Variants in DENND6B observed in about 807,000 individuals in gnomAD.
DENND6B encodes protein DENND6B.
A neutral mutation model predicts 85.1 loss-of-function variants in DENND6B; 73 were observed. That is an observed-to-expected ratio of 0.86 (90% CI 0.71 to 1.04). DENND6B has a LOEUF of 1.04. DENND6B is among the 50% of genes least tolerant of loss of function. The probability of loss-of-function intolerance (pLI) is 0.00; values close to 1 mark genes in which losing one functional copy is unlikely to be tolerated. For missense variants in DENND6B, 715 were observed against 785.8 expected (o/e 0.91, Z 1.08); for synonymous variants, 357 against 329.3 (o/e 1.08, Z -0.91).
At position 50,317,355 on chromosome 22, in the gene DENND6B, A is replaced by AGTAGTGTGCCGGC. The variant is rs1447712931; in HGVS notation, c.378_390dup (p.Phe131AlafsTer52). The stretch of plus-strand genomic sequence containing the variant: ...ACCTGCCTGAAGTACACGTAGCCGA[A>AGTAGTGTGCCGGC]GTAGTGTGCCGGCTCCCTCTGCAAG... On this transcript the variant is annotated frameshift_variant, in exon 5 of 20. Transcript: ENST00000413817. LOFTEE classifies it high-confidence loss of function. 1.2e-6 allele frequency: 2 copies of AGTAGTGTGCCGGC among 1,612,980 alleles called. No homozygotes were observed. Among genetic ancestry groups the AGTAGTGTGCCGGC allele is most frequent in the South Asian group, 2.2e-5 (2 of 91,088 alleles).
Position 50,314,685 on chromosome 22 carries a change from G to A in DENND6B, c.897C>T (p.Leu299=), listed in dbSNP as rs1354173740. ...VLALTSCLQP[L]RFCCDFRPYF... ...AGGGACGGAAGTCGCAGCAGAACCT[G>A]AGGGGCTGCAGGCAGCTGTGGGCAG... The change falls in exon 11 of 20, where the codon CTC becomes CTT. Residue 299 remains leucine, a synonymous_variant. Coordinates refer to ENST00000413817, the MANE Select transcript of DENND6B (RefSeq NM_001001794.4). 3 of 1,566,186 alleles carry A rather than the reference G, an allele frequency of 1.9e-6. No homozygotes were observed. The highest frequency in any genetic ancestry group is 2.6e-6 in the Non-Finnish European group (3 of 1,156,154).
chr22:50,321,386 G>T (rs1438082644), intron 1 of DENND6B, among the ~76,000 whole-genome samples: 2 of 152,072 alleles, frequency 1.3e-5, no homozygotes, highest in East Asian at 3.9e-4. Context: ...TTTTGAGACG[G>T]GGTCTTGCTC....
intron 1 of DENND6B, among the ~76,000 whole-genome samples, chr22:50,324,769 C>T (rs1385817650): frequency 6.6e-6 from 1 of 152,170 alleles, no homozygotes; most frequent in Non-Finnish European, 1.5e-5. Flanking sequence ...CAGCTCCTTG[C>T]CTTTTGCTTA....
intron 1 of DENND6B, 141 bp downstream of exon 1, chr22:50,326,671 C>G (rs1471219319): frequency 2.8e-6 from 2 of 711,052 alleles, no homozygotes; most frequent in East Asian, 7.3e-5. Context: ...CTTCTGGAGC[C>G]CGGAGAAGAG....
chr22:50,319,723 C>T (rs2041984307), intron 1 of DENND6B, among the ~76,000 whole-genome samples: 1 of 152,222 alleles, frequency 6.6e-6, no homozygotes, highest in Non-Finnish European at 1.5e-5. Context: ...CAGATGCAGG[C>T]CCAGAAGCAC....
Position 50,313,462 on chromosome 22 carries a change from C to T in DENND6B, c.1331G>A (p.Ser444Asn). ...GACCCCCACCTTCCAGGGCGTGATG[C>T]TCTTCTGCAGGGGCATGAGGCTGGC... ...YMASLMPLQKSITPWKTPPQI... is the reference protein window; with the variant it reads ...YMASLMPLQKNITPWKTPPQI... Residue 444 changes from serine (S) to asparagine (N), a missense_variant, in exon 16 of 20, where the codon AGC (serine) becomes AAC (asparagine). Ser to Asn is a conservative substitution (Grantham distance 46, BLOSUM62 1). Coordinates refer to ENST00000413817, the MANE Select transcript of DENND6B (RefSeq NM_001001794.4). 6.5e-7 allele frequency: 1 copy of T among 1,546,622 alleles called. No individual in the cohort carries two copies. The highest frequency in any genetic ancestry group is 8.7e-7 in the Non-Finnish European group (1 of 1,147,014).
rs1476381045 is a variant in DENND6B at position 50,326,989 on chromosome 22, G to A, written c.-1C>T. On this transcript the variant is annotated 5_prime_UTR_variant, in exon 1 of 20. Transcript: ENST00000413817. ...GCCCTGTGCCCAACAGCGCGTCCAT[G>A]GCGGCGGCCGCGGGTTGCCGGGGAA... 2 of 1,192,088 alleles carry A rather than the reference G, an allele frequency of 1.7e-6. No individual in the cohort carries two copies. Among genetic ancestry groups the A allele is most frequent in the African/African-American group, 1.6e-5 (1 of 62,536 alleles). The allele number at this position is 1,192,088 out of a possible 1,614,324, so 73.8% of individuals were successfully genotyped here. A position where few individuals can be genotyped will look rare whatever the true frequency, so the allele number is the denominator to read the frequency against.
At chr22:50,314,954 G>C in intron 9 of DENND6B, 33 bp from the exon 10 acceptor site, 1 of 1,603,092 alleles carries the variant, frequency 6.2e-7, no homozygotes, top group South Asian at 1.1e-5. Context: ...GGGAGGTCAG[G>C]CAGGGGCTGA....
At chr22:50,314,752 G>C in intron 10 of DENND6B, 47 bp downstream of exon 10, 1 of 1,577,084 alleles carries the variant, frequency 6.3e-7, no homozygotes, top group Non-Finnish European at 8.6e-7. Flanking sequence ...CCCAGGCACA[G>C]CCGCGATGGT....
chr22:50,313,192 C>T, intron 16 of DENND6B, 84 bp from the exon 17 acceptor site: 1 of 1,361,782 alleles, frequency 7.3e-7, no homozygotes, highest in Middle Eastern at 1.8e-4. Context: ...CACTCCTCAC[C>T]ACTTCTGAAG....
intron 5 of DENND6B, 125 bp downstream of exon 5, chr22:50,317,168 G>A (rs2041877424): frequency 4.0e-6 from 4 of 990,368 alleles, no homozygotes; most frequent in Non-Finnish European, 6.0e-6. Flanking sequence ...CACAGCCCAG[G>A]TGGGGCTGCA....
At chr22:50,323,543 C>T (rs1317554534) in intron 1 of DENND6B, among the ~76,000 whole-genome samples, 1 of 151,930 alleles carries the variant, frequency 6.6e-6, no homozygotes, top group African/African-American at 2.4e-5. Flanking sequence ...GCCTCAGCCT[C>T]CCAAAGTGCT....
rs370594921 is a variant in DENND6B at position 50,316,356 on chromosome 22, T to A, written c.559+14A>T. The A allele has an allele frequency of 1.9e-6, 3 of 1,568,536 alleles. No individual in the cohort carries two copies. Among genetic ancestry groups the A allele is most frequent in the African/African-American group, 2.7e-5 (2 of 73,712 alleles). On this transcript the variant is annotated intron_variant, in intron 6 of 19. Transcript: ENST00000413817. ...ATGATGAGACCACGATGGCCACGAC[T>A]GATGGCCACTCACCTGCTTCCAGGC...
chr22:50,315,888 C>A, intron 8 of DENND6B, 119 bp from the exon 9 acceptor site: 1 of 1,517,834 alleles, frequency 6.6e-7, no homozygotes, highest in Non-Finnish European at 8.9e-7. Context: ...CACCAACACA[C>A]AGCCTGTGGC....
chr22:50,311,857 C>T lies in DENND6B; in HGVS notation c.*282G>A. On this transcript the variant is annotated 3_prime_UTR_variant, in exon 20 of 20. Coordinates refer to ENST00000413817, the MANE Select transcript of DENND6B (RefSeq NM_001001794.4). ...ACGCACCCACATCAGCAAGGGCTCC[C>T]AGCCTGTCCCCGCCCCCGTCCCAGC... The T allele has an allele frequency of 2.1e-6, 1 of 482,098 alleles. No individual in the cohort carries two copies. The highest frequency in any genetic ancestry group is 3.7e-6 in the Non-Finnish European group (1 of 271,480). The allele number at this position is 482,098 out of a possible 1,614,324, so 29.9% of individuals were successfully genotyped here.
At position 50,310,446 on chromosome 22, in the gene DENND6B, T is replaced by G. The variant is rs2068044372; in HGVS notation, c.*1693A>C. On this transcript the variant is annotated 3_prime_UTR_variant, in exon 20 of 20. Coordinates refer to ENST00000413817, the MANE Select transcript of DENND6B (RefSeq NM_001001794.4). ...TGCAGTTGGGCTGGACAAGTTGACATGTACCAAGTTCTGAGAACTACCTGG... is the reference window on the plus strand; with the variant it reads ...TGCAGTTGGGCTGGACAAGTTGACAGGTACCAAGTTCTGAGAACTACCTGG... 6.6e-6 allele frequency: 1 copy of G among 152,238 alleles called. No homozygotes were observed. The highest frequency in any genetic ancestry group is 2.1e-4 in the South Asian group (1 of 4,830). The allele number at this position is 152,238 out of a possible 1,614,324, so 9.4% of individuals were successfully genotyped here.
chr22:50,318,028 G>T lies in DENND6B; in HGVS notation c.260-8C>A. The stretch of plus-strand genomic sequence containing the variant: ...GAGTGTCTCCAAGGCAGCCTAAGAA[G>T]GGGCAGCCCCACCACACGGGTCAAG... On this transcript the variant is annotated splice_region_variant and splice_polypyrimidine_tract_variant and intron_variant, in intron 3 of 19. Coordinates refer to ENST00000413817, the MANE Select transcript of DENND6B (RefSeq NM_001001794.4). 6.2e-7 allele frequency: 1 copy of T among 1,611,734 alleles called. No individual in the cohort carries two copies. Among genetic ancestry groups the T allele is most frequent in the Non-Finnish European group, 8.5e-7 (1 of 1,179,412 alleles).
Position 50,312,606 on chromosome 22 carries a change from G to A in DENND6B, c.1477C>T (p.His493Tyr). 1.3e-6 allele frequency: 2 copies of A among 1,580,880 alleles called. No individual in the cohort carries two copies. The highest frequency in any genetic ancestry group is 1.2e-5 in the South Asian group (1 of 86,876). ...CGCTGCCGGTACCAGCCATCAAAAT[G>A]GGGGGACTTGAAAAACCGCCTGTGG... ...GLYRRFFKSP[H>Y]FDGWYRQRHK... is the part of the protein sequence containing the mutation. The change falls in exon 18 of 20, where the codon CAT becomes TAT. Residue 493 changes from histidine to tyrosine, a missense_variant. Physicochemically the swap from His to Tyr is moderately conservative, Grantham distance 83. Transcript: ENST00000413817.
chr22:50,312,235 A>T lies in DENND6B; in HGVS notation c.1662T>A (p.Pro554=). 6.2e-7 allele frequency: 1 copy of T among 1,612,136 alleles called. No homozygotes were observed. ...CCCGCTGCAGCGTAGCCTCCTTCAC[A>T]GGGAGCTGGTGGCCCTGAGCCCGCA... The part of the protein sequence containing the change: ...KLVRAQGHQL[P]VKEATLQRAQ... Residue 554 remains proline (P), a synonymous_variant, in exon 20 of 20, where the codon CCT becomes CCA. Coordinates refer to ENST00000413817, the MANE Select transcript of DENND6B (RefSeq NM_001001794.4).
Sources: gnomAD v4.1 joint callset for allele counts (sites outside exome capture counted in the v4.1 genomes callset) on GRCh38, gnomAD v4.1.1 for gene constraint, MANE v1.5 for transcripts, NCBI Gene and HGNC (gene_info 2026-07-23, HGNC 2026-07-21) for gene names.